The following LARP1B variants were observed in gnomAD, a reference collection of about 807,000 sequenced individuals.
LARP1B encodes La ribonucleoprotein 1B.
In LARP1B, 76 loss-of-function variants were observed where a neutral mutation model predicts 114.2. The observed-to-expected ratio is 0.67, with a 90% CI of 0.55 to 0.81. The LOEUF (loss-of-function observed/expected upper bound fraction) is 0.81, where lower values mean the gene tolerates loss of function less well. Ranked by LOEUF, LARP1B falls within the 30% of genes least tolerant of loss-of-function variation. LARP1B has a pLI of 0.00. For synonymous variants in LARP1B, 345 were observed against 348.0 expected (o/e 0.99, Z 0.10); for missense variants, 1,014 against 1,075.8 (o/e 0.94, Z 0.80).
At chr4:128,207,085 C>G (rs904733492) in intron 18 of LARP1B, among the ~76,000 whole-genome samples, 171 bp from the exon 19 acceptor site, 1 of 152,140 alleles carries the variant, frequency 6.6e-6, no homozygotes, top group Non-Finnish European at 1.5e-5. Flanking sequence ...AACAAATGCT[C>G]AATAAATATT....
intron 6 of LARP1B, among the ~76,000 whole-genome samples, chr4:128,217,881 T>A (rs1225120713): frequency 6.7e-6 from 1 of 148,394 alleles, no homozygotes; most frequent in Admixed American, 6.8e-5. Context: ...ACATGATTGT[T>A]TATCTAGAAA....
rs1353685480 is a variant in LARP1B at position 128,210,994 on chromosome 4, TA to T, written c.*942del. On this transcript the variant is annotated 3_prime_UTR_variant, in exon 20 of 20. Transcript: ENST00000326639. ...GAATACTTAGTTTTACCTTTTTGTT[TA>T]TTTTTTGTTTAATTTTGTTTTTATA... 6 of 925,624 alleles carry T rather than the reference TA, an allele frequency of 6.5e-6. No individual in the cohort carries two copies. Among genetic ancestry groups the T allele is most frequent in the Non-Finnish European group, 7.7e-6 (6 of 775,682 alleles). The allele number at this position is 925,624 out of a possible 1,614,324, so 57.3% of individuals were successfully genotyped here.
At chr4:128,070,738 CG>C (rs1354631713) in intron 1 of LARP1B, among the ~76,000 whole-genome samples, 4 of 151,452 alleles carry the variant, frequency 2.6e-5, no homozygotes, top group African/African-American at 4.9e-5. Flanking sequence ...CCAAGGTGAC[CG>C]GGGTTTGAGG....
At chr4:128,176,587 C>T (rs1265494550) in intron 12 of LARP1B, among the ~76,000 whole-genome samples, 1 of 152,068 alleles carries the variant, frequency 6.6e-6, no homozygotes, top group Non-Finnish European at 1.5e-5. Context: ...AGCCACTGCA[C>T]CTGGCCAGAT....
chr4:128,147,596 G>A (rs1475936417), intron 11 of LARP1B, among the ~76,000 whole-genome samples: 1 of 152,122 alleles, frequency 6.6e-6, no homozygotes, highest in Non-Finnish European at 1.5e-5. Context: ...ATCTGGATGT[G>A]GTTATTGCTA....
intron 5 of LARP1B, among the ~76,000 whole-genome samples, chr4:128,090,350 G>A (rs1223135931): frequency 6.6e-6 from 1 of 152,186 alleles, no homozygotes; most frequent in Non-Finnish European, 1.5e-5. Context: ...TGGGATTGCC[G>A]GCCTGAGCCA....
At chr4:128,193,467 T>G (rs1317409467) in intron 15 of LARP1B, among the ~76,000 whole-genome samples, 2 of 152,192 alleles carry the variant, frequency 1.3e-5, no homozygotes, top group Non-Finnish European at 2.9e-5. Context: ...GAATAATTTT[T>G]GACTCATCAT....
chr4:128,192,198 C>T (rs771326442), intron 15 of LARP1B, among the ~76,000 whole-genome samples: 3 of 152,076 alleles, frequency 2.0e-5, no homozygotes, highest in African/African-American at 4.8e-5. Flanking sequence ...TGCTATTGCA[C>T]ACTTGGTAGA....
chr4:128,098,060 A>C (rs1176809060), intron 7 of LARP1B, 126 bp from the exon 8 acceptor site: 2 of 700,208 alleles, frequency 2.9e-6, no homozygotes, highest in Non-Finnish European at 4.8e-6. Context: ...TATTAGAGCT[A>C]TACATATTGT....
At chr4:128,193,375 C>T (rs1169433546) in intron 15 of LARP1B, among the ~76,000 whole-genome samples, 2 of 152,132 alleles carry the variant, frequency 1.3e-5, no homozygotes, top group East Asian at 1.9e-4. Flanking sequence ...AATACACCCA[C>T]ACACAAACAC....
chr4:128,148,619 A>T (rs1382659353), intron 11 of LARP1B, among the ~76,000 whole-genome samples: 1 of 151,288 alleles, frequency 6.6e-6, no homozygotes, highest in Non-Finnish European at 1.5e-5. Flanking sequence ...AAATTTTATT[A>T]TTTTACTTTA....
chr4:128,080,559 T>G (rs1285328620), intron 4 of LARP1B, among the ~76,000 whole-genome samples: 2 of 152,064 alleles, frequency 1.3e-5, no homozygotes, highest in African/African-American at 4.8e-5. Flanking sequence ...ACACTAATAT[T>G]TATTTTTAAA....
intron 8 of LARP1B, among the ~76,000 whole-genome samples, chr4:128,100,148 G>A (rs144841710): frequency 0.027 from 4,062 of 151,734 alleles, 169 homozygotes; most frequent in African/African-American, 0.094. Context: ...TTTTAATAGA[G>A]ACGAGATTTC....
At chr4:128,159,059 T>A (rs573684453) in intron 11 of LARP1B, among the ~76,000 whole-genome samples, 4 of 151,018 alleles carry the variant, frequency 2.6e-5, no homozygotes, top group Admixed American at 1.3e-4. Flanking sequence ...GCACCTGTAG[T>A]GCCAGCTACA....
intron 12 of LARP1B, among the ~76,000 whole-genome samples, chr4:128,165,577 C>A (rs868062066): frequency 2.0e-5 from 3 of 151,932 alleles, no homozygotes; most frequent in African/African-American, 7.2e-5. Flanking sequence ...ATTGCTATTA[C>A]GATATAGAAT....
chr4:128,092,988 G>A, intron 7 of LARP1B: 1 of 985,394 alleles, frequency 1.0e-6, no homozygotes, highest in Non-Finnish European at 1.2e-6. Context: ...CTTCAGTGTT[G>A]ACAAAATTTC....
chr4:128,082,444 A>G, intron 5 of LARP1B, 139 bp downstream of exon 5: 3 of 666,372 alleles, frequency 4.5e-6, no homozygotes, highest in Non-Finnish European at 7.8e-6. Flanking sequence ...CCTTCAGGGT[A>G]TATTTCATAA....
intron 1 of LARP1B, among the ~76,000 whole-genome samples, chr4:128,072,834 A>G (rs1459598807): frequency 6.6e-6 from 1 of 152,152 alleles, no homozygotes; most frequent in East Asian, 1.9e-4. Context: ...TTTGGATTAC[A>G]GGTGTGAGCC....
At chr4:128,148,451 T>A (rs1156958196) in intron 11 of LARP1B, among the ~76,000 whole-genome samples, 2 of 151,830 alleles carry the variant, frequency 1.3e-5, no homozygotes, top group Non-Finnish European at 2.9e-5. Context: ...AAAAAAAAGC[T>A]TCTAAATATA....
Sources: gnomAD v4.1 joint callset for allele counts (sites outside exome capture counted in the v4.1 genomes callset) on GRCh38, gnomAD v4.1.1 for gene constraint, MANE v1.5 for transcripts, NCBI Gene and HGNC (gene_info 2026-07-23, HGNC 2026-07-21) for gene names.